ATP11C: variants seen among roughly 807,000 people sequenced by gnomAD.
The protein encoded by ATP11C is ATPase phospholipid transporting 11C (ATP11C blood group).
Under a neutral mutation model 97.4 loss-of-function variants are expected in ATP11C, and 36 were observed. That is an observed-to-expected ratio of 0.37 (90% confidence interval 0.28 to 0.49). The LOEUF (loss-of-function observed/expected upper bound fraction) is 0.49, where lower values mean the gene tolerates loss of function less well. Ranked by LOEUF, ATP11C falls within the 20% of genes least tolerant of loss-of-function variation. ATP11C has a pLI of 0.98. For synonymous variants in ATP11C, 275 were observed against 290.9 expected (o/e 0.95, Z 0.56); for missense variants, 730 against 824.6 (o/e 0.89, Z 1.40).
intron 18 of ATP11C, among the ~76,000 whole-genome samples, chrX:139,775,585 G>A (rs1044427879): frequency 8.9e-6 from 1 of 112,660 alleles, no homozygotes; most frequent in African/African-American, 3.2e-5. Flanking sequence ...CGAGAGTCTG[G>A]CAGAGACTGT....
Position 139,783,270 on chromosome X carries a change from A to G in ATP11C, c.1667-3T>C. The G allele has an allele frequency of 5.2e-6, 6 of 1,164,870 alleles. No individual in the cohort carries two copies. Among genetic ancestry groups the G allele is most frequent in the Non-Finnish European group, 7.0e-6 (6 of 855,332 alleles). ...TTTACAAAAGAGAAGTATGTCTCCT[A>G]AAATAAAGAACCATAGTACTTGACT... On this transcript the variant is annotated splice_region_variant and splice_polypyrimidine_tract_variant and intron_variant, in intron 16 of 29. Coordinates refer to ENST00000682941, the MANE Select transcript of ATP11C (RefSeq NM_001353812.2).
intron 10 of ATP11C, 151 bp downstream of exon 10, chrX:139,798,122 T>C: frequency 8.4e-6 from 4 of 477,889 alleles, no homozygotes; most frequent in East Asian, 7.8e-5. Flanking sequence ...ATACAAATCA[T>C]TGAGCACAGT....
intron 22 of ATP11C, 37 bp from the exon 23 acceptor site, chrX:139,757,904 C>T: frequency 2.1e-6 from 2 of 960,223 alleles, no homozygotes. Flanking sequence ...TTAACATTTT[C>T]ACTTAATCAA....
chrX:139,836,210 G>A (rs1293308859), intron 1 of ATP11C, among the ~76,000 whole-genome samples: 2 of 109,783 alleles, frequency 1.8e-5, no homozygotes, highest in Non-Finnish European at 3.8e-5. Context: ...GACAATATAT[G>A]TGGAATAAAA....
intron 1 of ATP11C, among the ~76,000 whole-genome samples, chrX:139,861,633 G>A (rs1277883102): frequency 9.0e-6 from 1 of 111,053 alleles, no homozygotes; most frequent in Non-Finnish European, 1.9e-5. Flanking sequence ...CCTAGTTCAG[G>A]TGACTAAAAA....
chrX:139,900,756 A>G (rs912949850), intron 1 of ATP11C, among the ~76,000 whole-genome samples: 3 of 112,385 alleles, frequency 2.7e-5, no homozygotes, highest in African/African-American at 9.7e-5. Flanking sequence ...TTAATTTTGT[A>G]AATAGGTAAG....
intron 1 of ATP11C, among the ~76,000 whole-genome samples, chrX:139,883,017 G>A (rs774833313): frequency 9.9e-5 from 11 of 111,228 alleles, no homozygotes; most frequent in Non-Finnish European, 2.1e-4. Flanking sequence ...TTTAAGCAAG[G>A]AAAGGGCATG....
intron 6 of ATP11C, among the ~76,000 whole-genome samples, chrX:139,803,234 T>C (rs1458666256): frequency 2.7e-5 from 3 of 112,740 alleles, no homozygotes; most frequent in Non-Finnish European, 5.6e-5. Context: ...AATCTTTATG[T>C]AGATTTCTTG....
At chrX:139,807,946 T>A (rs2083080051) in intron 5 of ATP11C, among the ~76,000 whole-genome samples, 1 of 95,076 alleles carries the variant, frequency 1.1e-5, no homozygotes, top group South Asian at 4.6e-4. Context: ...AGTAAGACCC[T>A]GTCTCTTAAA....
At chrX:139,796,850 G>A (rs768676607) in intron 11 of ATP11C, among the ~76,000 whole-genome samples, 1 of 111,419 alleles carries the variant, frequency 9.0e-6, no homozygotes, top group South Asian at 3.8e-4. Context: ...AAAGCATCTT[G>A]CCAAATTGTT....
chrX:139,818,009 G>A (rs900761500), intron 3 of ATP11C, among the ~76,000 whole-genome samples: 1 of 111,243 alleles, frequency 9.0e-6, no homozygotes, highest in African/African-American at 3.3e-5. Flanking sequence ...TAGATACAAT[G>A]TATACTTCCA....
chrX:139,895,451 G>T (rs1349091018), intron 1 of ATP11C, among the ~76,000 whole-genome samples: 4 of 111,052 alleles, frequency 3.6e-5, no homozygotes, highest in Non-Finnish European at 7.6e-5. Flanking sequence ...TGTATTTTTT[G>T]TAGAGACAGG....
chrX:139,919,783 G>A (rs1277315525), intron 1 of ATP11C, among the ~76,000 whole-genome samples: 1 of 110,590 alleles, frequency 9.0e-6, no homozygotes, highest in Non-Finnish European at 1.9e-5. Context: ...GCCGGGTGTG[G>A]TGGTGCACGC....
chrX:139,891,343 CA>C (rs1472907812), intron 1 of ATP11C, among the ~76,000 whole-genome samples: 1 of 111,288 alleles, frequency 9.0e-6, no homozygotes, highest in Non-Finnish European at 1.9e-5. Flanking sequence ...AGCAAGCCCC[CA>C]TAAGTTTAAC....
At chrX:139,860,675 G>A (rs1010132466) in intron 1 of ATP11C, among the ~76,000 whole-genome samples, 12 of 111,229 alleles carry the variant, frequency 1.1e-4, no homozygotes, top group African/African-American at 3.9e-4. Flanking sequence ...AAAATTAGCC[G>A]GGCATAGTGA....
At chrX:139,857,055 A>T (rs1424947654) in intron 1 of ATP11C, among the ~76,000 whole-genome samples, 1 of 112,082 alleles carries the variant, frequency 8.9e-6, no homozygotes, top group Non-Finnish European at 1.9e-5. Flanking sequence ...ATGGCTAGAA[A>T]AGTAGTTCGG....
intron 28 of ATP11C, chrX:139,732,586 CAA>C (rs58514331): frequency 0.025 from 2,877 of 114,386 alleles, no homozygotes; most frequent in South Asian, 0.036. Flanking sequence ...ATGCAGAAAC[CAA>C]AAAAAAAAAA....
chrX:139,847,427 A>G (rs745428449), intron 1 of ATP11C, among the ~76,000 whole-genome samples: 3 of 109,260 alleles, frequency 2.7e-5, no homozygotes, highest in Non-Finnish European at 5.7e-5. Context: ...GGCTGGGTGC[A>G]GGGGCTTACA....
chrX:139,809,977 G>C (rs962110813), intron 5 of ATP11C, among the ~76,000 whole-genome samples: 4 of 110,891 alleles, frequency 3.6e-5, no homozygotes, highest in African/African-American at 9.8e-5. Context: ...AAGAAAAAAA[G>C]TTAAATGGTA....
Sources: gnomAD v4.1 joint callset for allele counts (sites outside exome capture counted in the v4.1 genomes callset) on GRCh38, gnomAD v4.1.1 for gene constraint, MANE v1.5 for transcripts, NCBI Gene and HGNC (gene_info 2026-07-23, HGNC 2026-07-21) for gene names.